Variants in DYNC2I1 observed in about 807,000 individuals in gnomAD.
DYNC2I1 encodes the protein dynein 2 intermediate chain 1.
DYNC2I1 carries 89 observed loss-of-function variants against 133.4 expected under a neutral mutation model. The observed-to-expected ratio is 0.67, with a 90% CI of 0.56 to 0.80. The LOEUF (loss-of-function observed/expected upper bound fraction) is 0.80. DYNC2I1 is among the 30% of genes least tolerant of loss of function. DYNC2I1 has a pLI of 0.00. For synonymous variants in DYNC2I1, 504 were observed against 484.3 expected (o/e 1.04, Z -0.54); for missense variants, 1,291 against 1,314.5 (o/e 0.98, Z 0.28).
At chr7:158,871,917 T>C (rs75980870) in intron 3 of DYNC2I1, among the ~76,000 whole-genome samples, 3,287 of 152,372 alleles carry the variant, frequency 0.022, 57 homozygotes, top group Admixed American at 0.052. Context: ...TTTTCTCTCA[T>C]AGTTTTCACA....
chr7:158,856,603 C>A lies in DYNC2I1; in HGVS notation c.-133C>A. The A allele has an allele frequency of 1.1e-6, 1 of 950,050 alleles. No individual in the cohort carries two copies. Among genetic ancestry groups the A allele is most frequent in the Non-Finnish European group, 1.4e-6 (1 of 732,064 alleles). The allele number at this position is 950,050 out of a possible 1,614,324, so 58.9% of individuals were successfully genotyped here. ...CTGGGCAGTGCTTCTGGGCCCTCTGCTGCTCCTGCTTGTCGGTTGCTAGGC... is the reference window on the plus strand; with the variant it reads ...CTGGGCAGTGCTTCTGGGCCCTCTGATGCTCCTGCTTGTCGGTTGCTAGGC... On this transcript the variant is annotated 5_prime_UTR_variant, in exon 1 of 25. It adds an upstream start codon to the 5' untranslated region. Coordinates refer to ENST00000407559, the MANE Select transcript of DYNC2I1 (RefSeq NM_018051.5).
chr7:158,856,763 C>T lies in DYNC2I1; in HGVS notation c.15+13C>T, dbSNP rs886107047. On this transcript the variant is annotated intron_variant, in intron 1 of 24. Coordinates refer to ENST00000407559, the MANE Select transcript of DYNC2I1 (RefSeq NM_018051.5). ...GGAGCCCGGGAAGGTCGGTGCGGCG[C>T]TGGGTCTGGGCGAGGGGTGGTCGAG... 1.4e-5 allele frequency: 17 copies of T among 1,234,468 alleles called. No homozygotes were observed. In the African/African-American group the frequency reaches 2.5e-4, roughly 18 times the overall value. 76.5% of individuals were successfully genotyped at this position (1,234,468 alleles called of 1,614,324 possible). A position where few individuals can be genotyped will look rare whatever the true frequency, so the allele number is the denominator to read the frequency against.
At chr7:158,918,583 A>G (rs552057065) in intron 14 of DYNC2I1, among the ~76,000 whole-genome samples, 157 bp from the exon 15 acceptor site, 1 of 152,352 alleles carries the variant, frequency 6.6e-6, no homozygotes, top group South Asian at 2.1e-4. Flanking sequence ...TTCAGTATTG[A>G]GCAGAAAGGA....
At chr7:158,938,376 G>A (rs1850976562) in intron 23 of DYNC2I1, among the ~76,000 whole-genome samples, 1 of 152,190 alleles carries the variant, frequency 6.6e-6, no homozygotes, top group Admixed American at 6.5e-5. Flanking sequence ...CAGCAAAACT[G>A]TCATTCAAAT....
chr7:158,877,406 AGATGGTATGCTTTTTG>A (rs1843466462), intron 4 of DYNC2I1, among the ~76,000 whole-genome samples: 1 of 152,262 alleles, frequency 6.6e-6, no homozygotes, highest in Non-Finnish European at 1.5e-5. Flanking sequence ...AAAGACATCC[AGATGGTATGCTTTTTG>A]GTTCGTTCAT....
intron 24 of DYNC2I1, among the ~76,000 whole-genome samples, chr7:158,943,043 G>A (rs1432180199): frequency 6.6e-6 from 1 of 152,056 alleles, no homozygotes; most frequent in Non-Finnish European, 1.5e-5. Flanking sequence ...TTCTCCTACT[G>A]TGAGGGTTCA....
intron 23 of DYNC2I1, among the ~76,000 whole-genome samples, chr7:158,935,975 CT>C (rs1278883632): frequency 7.9e-5 from 12 of 152,120 alleles, no homozygotes; most frequent in Non-Finnish European, 1.3e-4. Context: ...GGTGGGTCAC[CT>C]GAGGTAGGGG....
downstream of DYNC2I1, among the ~76,000 whole-genome samples, chr7:158,947,740 C>T (rs1851932244): frequency 6.6e-6 from 1 of 152,224 alleles, no homozygotes; most frequent in Non-Finnish European, 1.5e-5. Context: ...AGCCCTTGCT[C>T]ATGCTCTGCC....
downstream of DYNC2I1, among the ~76,000 whole-genome samples, chr7:158,949,893 T>G (rs1852003372): frequency 6.6e-6 from 1 of 151,836 alleles, no homozygotes; most frequent in African/African-American, 2.4e-5. Context: ...TGCCTCAGCC[T>G]CCCAAGTATC....
Position 158,945,934 on chromosome 7 carries a change from C to A in DYNC2I1, c.*155C>A. 2.7e-6 allele frequency: 2 copies of A among 746,620 alleles called. No homozygotes were observed. The highest frequency in any genetic ancestry group is 3.8e-6 in the Non-Finnish European group (2 of 525,614). 46.2% of individuals were successfully genotyped at this position (746,620 alleles called of 1,614,324 possible). On this transcript the variant is annotated 3_prime_UTR_variant, in exon 25 of 25. Transcript: ENST00000407559. The surrounding 1 kb of genome is among the most constrained non-coding windows in gnomAD (Gnocchi z 4.1). ...TACATGAATATGTCTTTGGTATTCC[C>A]AGTAAATAGATGACTACTTTTGAGT...
At chr7:158,887,160 C>G in intron 7 of DYNC2I1, 85 bp downstream of exon 7, 1 of 1,399,514 alleles carries the variant, frequency 7.1e-7, no homozygotes, top group Non-Finnish European at 1.0e-6. Context: ...CCCTTGAAAC[C>G]AGAGGCCGAG....
rs114293175 is a variant in DYNC2I1, at chr7:158,941,745, G to C, written c.2779-180G>C. ...AACGATATAAAAGGTGGGTGTAGTG[G>C]TGCCTGCGTGTAGTCTCAGCTACTC... is the stretch of plus-strand genomic sequence containing the variant. On this transcript the variant is annotated intron_variant, in intron 23 of 24. Transcript: ENST00000407559. Among the ~76,000 whole-genome samples the C allele has an allele frequency of 7.1e-3, 1,082 of 152,252 alleles. 11 individuals are homozygous for C. The highest frequency in any genetic ancestry group is 0.025 in the African/African-American group (1,021 of 41,534).
At chr7:158,943,535 A>G (rs1851582484) in intron 24 of DYNC2I1, among the ~76,000 whole-genome samples, 1 of 152,116 alleles carries the variant, frequency 6.6e-6, no homozygotes, top group Admixed American at 6.5e-5. Flanking sequence ...TTTGGGCAGA[A>G]ACCTAGGAGA....
At chr7:158,900,731 G>GTT (rs35689002) in intron 8 of DYNC2I1, among the ~76,000 whole-genome samples, 17,651 of 105,580 alleles carry the variant, frequency 0.17, 1,903 homozygotes, top group East Asian at 0.46. Flanking sequence ...ATTTTGTTCT[G>GTT]TTTTTTTTTT....
At chr7:158,955,789 C>T (rs1852184096) in intron 4 of DYNC2I1, among the ~76,000 whole-genome samples, 1 of 152,232 alleles carries the variant, frequency 6.6e-6, no homozygotes, top group African/African-American at 2.4e-5. Context: ...AGCTTGTGAC[C>T]TCCAAAATGG....
intron 11 of DYNC2I1, among the ~76,000 whole-genome samples, chr7:158,908,624 A>G (rs535923505): frequency 6.6e-6 from 1 of 152,360 alleles, no homozygotes; most frequent in South Asian, 2.1e-4. Context: ...TGGGTATTAA[A>G]CAGAAGGATG....
intron 23 of DYNC2I1, among the ~76,000 whole-genome samples, chr7:158,938,244 T>C (rs1585238962): frequency 6.6e-6 from 1 of 152,098 alleles, no homozygotes; most frequent in East Asian, 1.9e-4. Context: ...AAATAACATA[T>C]AAAGGAGTTC....
chr7:158,891,212 G>T (rs1319931015), intron 7 of DYNC2I1, 53 bp from the exon 8 acceptor site: 2 of 1,602,712 alleles, frequency 1.2e-6, no homozygotes, highest in African/African-American at 1.3e-5. Context: ...CGTGGCGTGT[G>T]CCCTGGAGTC....
downstream of DYNC2I1, among the ~76,000 whole-genome samples, chr7:158,950,272 C>T (rs1852016226): frequency 6.6e-6 from 1 of 152,112 alleles, no homozygotes; most frequent in South Asian, 2.1e-4. Flanking sequence ...CCATGTTGGG[C>T]AGGCTGGTTC....
Sources: allele counts gnomAD v4.1 joint callset (sites outside exome capture counted in the v4.1 genomes callset), GRCh38; gene constraint gnomAD v4.1.1; non-coding constraint Gnocchi (gnomAD v3.1); transcripts MANE v1.5; gene names NCBI Gene and HGNC (gene_info 2026-07-23, HGNC 2026-07-21).